Variants in MSRA observed in about 807,000 individuals in gnomAD.
MSRA encodes the protein mitochondrial peptide methionine sulfoxide reductase.
Under a neutral mutation model 31.3 loss-of-function variants are expected in MSRA, and 54 were observed. That is an observed-to-expected ratio of 1.73 (90% CI 1.39 to 2.17). The LOEUF (loss-of-function observed/expected upper bound fraction) is 2.17, where lower values mean the gene tolerates loss of function less well. Among genes scored for constraint, MSRA ranks in the 30% most tolerant of loss-of-function variants. The pLI is 0.00. For synonymous variants in MSRA, 169 were observed against 116.5 expected, an observed-to-expected ratio of 1.45 and a Z score of -2.90; for missense variants, 507 against 300.9, an observed-to-expected ratio of 1.69 and a Z score of -5.07.
intron 1 of MSRA, among the ~76,000 whole-genome samples, chr8:10,080,781 C>T: frequency 6.6e-6 from 1 of 151,510 alleles, no homozygotes; most frequent in Non-Finnish European, 1.5e-5. Flanking sequence ...TCAAGCGATC[C>T]TCCTGCCTCG....
At chr8:10,377,629 C>T (rs1805828374) in intron 5 of MSRA, among the ~76,000 whole-genome samples, 1 of 152,144 alleles carries the variant, frequency 6.6e-6, no homozygotes, top group Non-Finnish European at 1.5e-5. Flanking sequence ...CAAAATGGCT[C>T]ACGGAGACTG....
chr8:10,083,846 AATGT>A (rs1563414241), intron 1 of MSRA, among the ~76,000 whole-genome samples: 1 of 152,256 alleles, frequency 6.6e-6, no homozygotes, highest in East Asian at 1.9e-4. Context: ...ATAGCATTTA[AATGT>A]ATTGCTTAAT....
chr8:10,189,450 G>C (rs2898240), intron 1 of MSRA, among the ~76,000 whole-genome samples: 3 of 151,700 alleles, frequency 2.0e-5, no homozygotes, highest in Non-Finnish European at 4.4e-5. Context: ...CGTTCGGTCT[G>C]TTACCATAAA....
chr8:10,054,747 A>G, intron 1 of MSRA, 89 bp downstream of exon 1: 1 of 1,321,884 alleles, frequency 7.6e-7, no homozygotes, highest in South Asian at 2.1e-5. Flanking sequence ...CCCGGAAGGA[A>G]GCCGTGGGCT....
At chr8:10,096,007 C>G in intron 1 of MSRA, 3 of 1,442,912 alleles carry the variant, frequency 2.1e-6, no homozygotes, top group Non-Finnish European at 2.7e-6. Flanking sequence ...GCTTTCAAAT[C>G]AAATCAGAAA....
chr8:10,345,702 A>G (rs1456898676), intron 5 of MSRA, among the ~76,000 whole-genome samples: 2 of 152,256 alleles, frequency 1.3e-5, no homozygotes, highest in Admixed American at 6.5e-5. Context: ...TTACATTATG[A>G]GAAGTGCGTT....
chr8:10,056,296 G>T, intron 1 of MSRA, among the ~76,000 whole-genome samples: 1 of 151,166 alleles, frequency 6.6e-6, no homozygotes, highest in Non-Finnish European at 1.5e-5. Flanking sequence ...ATTTACTTTG[G>T]CTTTATCTTA....
At chr8:10,392,184 CAG>C (rs2129180058) in intron 5 of MSRA, among the ~76,000 whole-genome samples, 1 of 152,286 alleles carries the variant, frequency 6.6e-6, no homozygotes, top group South Asian at 2.1e-4. Flanking sequence ...TAGACTAGGT[CAG>C]GGGCATATGA....
intron 1 of MSRA, among the ~76,000 whole-genome samples, chr8:10,144,594 C>T (rs1203284086): frequency 2.0e-5 from 3 of 146,922 alleles, no homozygotes; most frequent in African/African-American, 4.9e-5. Context: ...AACAGCGCTT[C>T]CCCCCCTCCT....
rs577850180 is a variant in MSRA, at chr8:10,349,569, C to T, written c.543+29580C>T. On this transcript the variant is annotated intron_variant, in intron 5 of 5. Transcript: ENST00000317173. ...CATGACCTTGAACGTCCCTTGAGCA[C>T]AGGTCTCTGTTCCCCTCTGGGAGCC... is the stretch of plus-strand genomic sequence containing the variant. Among the ~76,000 whole-genome samples, 62 of 152,344 alleles carry T rather than the reference C, an allele frequency of 4.1e-4. 1 individual carries two copies. The South Asian group carries it at 0.012, about 30-fold the overall frequency.
chr8:10,317,345 A>G (rs1180662178), intron 4 of MSRA, among the ~76,000 whole-genome samples: 1 of 152,142 alleles, frequency 6.6e-6, no homozygotes, highest in Non-Finnish European at 1.5e-5. Flanking sequence ...GTTGGTACCC[A>G]AAGATGAGCT....
chr8:10,408,195 A>G (rs1218444391), intron 5 of MSRA, among the ~76,000 whole-genome samples: 1 of 152,124 alleles, frequency 6.6e-6, no homozygotes, highest in Non-Finnish European at 1.5e-5. Flanking sequence ...GCTTCTCAGC[A>G]TCATTCATTA....
At chr8:10,184,651 G>T (rs755648073) in intron 1 of MSRA, among the ~76,000 whole-genome samples, 1 of 152,118 alleles carries the variant, frequency 6.6e-6, no homozygotes, top group Non-Finnish European at 1.5e-5. Context: ...CATTCAGCTT[G>T]CCTCGTCCAT....
intron 3 of MSRA, among the ~76,000 whole-genome samples, chr8:10,254,146 T>C (rs1352047084): frequency 6.6e-6 from 1 of 152,092 alleles, no homozygotes; most frequent in Non-Finnish European, 1.5e-5. Context: ...TTGTGAAGTC[T>C]CTCAGGGAAT....
intron 1 of MSRA, among the ~76,000 whole-genome samples, chr8:10,156,805 A>G (rs894471159): frequency 4.7e-5 from 6 of 127,858 alleles, no homozygotes; most frequent in African/African-American, 1.8e-4. Flanking sequence ...GATAAGCTTC[A>G]TTCCTTTTTT....
intron 3 of MSRA, among the ~76,000 whole-genome samples, chr8:10,271,014 A>G (rs1367021629): frequency 6.7e-6 from 1 of 149,622 alleles, no homozygotes; most frequent in Non-Finnish European, 1.5e-5. Flanking sequence ...CCTGGTGCAC[A>G]TTTTTGTTCT....
chr8:10,422,626 C>G (rs554075478), intron 5 of MSRA, among the ~76,000 whole-genome samples: 2 of 152,162 alleles, frequency 1.3e-5, no homozygotes, highest in African/African-American at 2.4e-5. Flanking sequence ...AGTCAAGATA[C>G]TTGGAGTCAG....
chr8:10,196,787 G>T (rs1396284427), intron 1 of MSRA, among the ~76,000 whole-genome samples: 2 of 151,678 alleles, frequency 1.3e-5, no homozygotes, highest in African/African-American at 4.8e-5. Flanking sequence ...GGCCAGGCTG[G>T]TCTCGATCTC....
intron 3 of MSRA, among the ~76,000 whole-genome samples, chr8:10,287,023 T>C (rs1296930294): frequency 6.6e-6 from 1 of 152,234 alleles, no homozygotes; most frequent in Non-Finnish European, 1.5e-5. Flanking sequence ...CCAATGCCCT[T>C]GGCACAGTTT....
Sources: gnomAD v4.1 joint callset for allele counts (sites outside exome capture counted in the v4.1 genomes callset) on GRCh38, gnomAD v4.1.1 for gene constraint, MANE v1.5 for transcripts, NCBI Gene and HGNC (gene_info 2026-07-23, HGNC 2026-07-21) for gene names.